Variants in NOL8 observed in about 807,000 individuals in gnomAD.
The protein encoded by NOL8 is nucleolar protein Nop132.
Under a neutral mutation model 116.1 loss-of-function variants are expected in NOL8, and 93 were observed. That is an observed-to-expected ratio of 0.80 (90% CI 0.68 to 0.95). The LOEUF is 0.95. NOL8 is among the 40% of genes least tolerant of loss of function. NOL8 has a pLI of 0.00. For missense variants in NOL8, 1,291 were observed against 1,382.8 expected, an observed-to-expected ratio of 0.93 and a Z score of 1.05; for synonymous variants, 419 against 469.0, an observed-to-expected ratio of 0.89 and a Z score of 1.38.
chr9:92,322,151 CAG>C lies in NOL8; in HGVS notation c.203-407_203-406del, dbSNP rs1839980316. 2.0e-5 allele frequency among the ~76,000 whole-genome samples: 3 copies of C among 152,264 alleles called. No individual in the cohort carries two copies. In the South Asian group the frequency reaches 6.2e-4, roughly 32 times the overall value. ...AAAACAATCATCTTTTCAGGTGAAT[CAG>C]AGGACACTCTGGAATCCTACAGCAC... On this transcript the variant is annotated intron_variant, in intron 3 of 16. Transcript: ENST00000442668.
chr9:92,313,991 ACTTGGCAAGG>A (rs966730216), intron 7 of NOL8, among the ~76,000 whole-genome samples: 1 of 152,254 alleles, frequency 6.6e-6, no homozygotes, highest in Non-Finnish European at 1.5e-5. Flanking sequence ...TCTTGGCAAG[ACTTGGCAAGG>A]TATAAATCAC....
In NOL8 at chr9:92,301,819, T is replaced by C. The variant is rs1377499551; in HGVS notation, c.2907A>G (p.Lys969=). ...RKRDDKPKES[K]AKRKKKREEA... Reference sequence around the variant, plus strand: ...CCTCCCTTTTCTTTTTTCGTTTTGCTTTACTGAAATGACATATGTAGACAT... The same window carrying C: ...CCTCCCTTTTCTTTTTTCGTTTTGCCTTACTGAAATGACATATGTAGACAT... Residue 969 remains lysine (K), a synonymous_variant, in exon 13 of 17, where the codon AAA becomes AAG. Coordinates refer to ENST00000442668, the MANE Select transcript of NOL8 (RefSeq NM_017948.6). The C allele has an allele frequency of 5.7e-6, 9 of 1,580,134 alleles. No homozygotes were observed. The highest frequency in any genetic ancestry group is 7.7e-6 in the Non-Finnish European group (9 of 1,162,312).
At chr9:92,307,982 A>G (rs931622824) in intron 10 of NOL8, among the ~76,000 whole-genome samples, 9 of 152,222 alleles carry the variant, frequency 5.9e-5, no homozygotes, top group African/African-American at 1.9e-4. Context: ...AAAAACATCA[A>G]TTTAAATTTT....
chr9:92,310,715 C>A (rs1172930041), intron 8 of NOL8, 40 bp from the exon 9 acceptor site: 1 of 1,570,216 alleles, frequency 6.4e-7, no homozygotes, highest in Non-Finnish European at 8.6e-7. Context: ...CAGAGGCAAA[C>A]AAGCAGTATT....
Position 92,314,352 on chromosome 9 carries a change from T to C in NOL8, c.2273A>G (p.Asn758Ser), listed in dbSNP as rs1403535383. 7 of 1,612,486 alleles carry C rather than the reference T, an allele frequency of 4.3e-6. No homozygotes were observed. Among genetic ancestry groups the C allele is most frequent in the Non-Finnish European group, 5.1e-6 (6 of 1,178,742 alleles). The stretch of plus-strand genomic sequence containing the variant: ...TTCCAAGGCTGCCAAACGCTTCTCA[T>C]TGTCTTCAGCATGCTTATCTTTAGC... ...VSAKDKHAED[N>S]EKRLAALEAR... Residue 758 changes from asparagine to serine, a missense_variant, in exon 7 of 17, where the codon AAT becomes AGT. Physicochemically the swap from Asn to Ser is conservative, Grantham distance 46. Transcript: ENST00000442668.
chr9:92,314,901 C>A lies in NOL8; in HGVS notation c.1724G>T (p.Gly575Val). 6.2e-7 allele frequency: 1 copy of A among 1,613,708 alleles called. No individual in the cohort carries two copies. ...NLKPKFQAFK[G>V]VGCLYEKESM... ...CTCCTTTTCATATAGACAGCCTACT[C>A]CCTTGAAAGCCTGAAATTTTGGCTT... The change falls in exon 7 of 17, where the codon GGA (glycine) becomes GTA (valine). Residue 575 changes from glycine to valine, a missense_variant. Gly to Val is a moderately radical substitution (Grantham distance 109). Transcript: ENST00000442668.
intron 8 of NOL8, 128 bp from the exon 9 acceptor site, chr9:92,310,803 A>AG (rs1838707420): frequency 1.0e-6 from 1 of 1,003,952 alleles, no homozygotes; most frequent in South Asian, 1.8e-5. Flanking sequence ...AGTAAATGGC[A>AG]GGTCAGGTGG....
chr9:92,299,751 C>CAAA, intron 14 of NOL8, 139 bp downstream of exon 14: 8 of 725,838 alleles, frequency 1.1e-5, no homozygotes, highest in African/African-American at 4.2e-5. Context: ...CACTCCGTCT[C>CAAA]AAAAAAAAAA....
chr9:92,310,968 A>G, intron 8 of NOL8, 178 bp downstream of exon 8: 1 of 597,160 alleles, frequency 1.7e-6, no homozygotes, highest in East Asian at 2.8e-5. Context: ...TGTTGTGGAG[A>G]ATATAGGTTC....
chr9:92,321,672 G>T lies in NOL8; in HGVS notation c.277C>A (p.His93Asn). The T allele has an allele frequency of 6.5e-7, 1 of 1,529,298 alleles. No homozygotes were observed. The highest frequency in any genetic ancestry group is 8.8e-7 in the Non-Finnish European group (1 of 1,139,266). The allele number at this position is 1,529,298 out of a possible 1,614,324, so 94.7% of individuals were successfully genotyped here. ...QIQLAKESFL[H>N]RLAQEREAAK... ...TCCATGTGGAGCAAAACTTACCTGT[G>T]CAGAAAGCTTTCTTTTGCTAGTTGA... Residue 93 changes from histidine to asparagine, a missense_variant, in exon 4 of 17, where the codon CAC (histidine) becomes AAC (asparagine). Transcript: ENST00000442668.
intron 16 of NOL8, 41 bp downstream of exon 16, chr9:92,298,216 A>G: frequency 7.0e-7 from 1 of 1,434,362 alleles, no homozygotes; most frequent in Non-Finnish European, 9.7e-7. Context: ...GATAGGTAAC[A>G]TGTCTATTTT....
chr9:92,322,895 G>A (rs912261025), intron 3 of NOL8: 16 of 152,658 alleles, frequency 1.0e-4, no homozygotes, highest in Admixed American at 3.3e-4. Flanking sequence ...CTTATTTTCC[G>A]TGTCTTTTTT....
intron 4 of NOL8, 113 bp from the exon 5 acceptor site, chr9:92,319,469 A>T: frequency 9.1e-7 from 1 of 1,103,014 alleles, no homozygotes; most frequent in Non-Finnish European, 1.2e-6. Flanking sequence ...GTAGTATTAA[A>T]AACCAAAATA....
At chr9:92,312,827 C>CAAAAAA (rs35089570) in intron 7 of NOL8, among the ~76,000 whole-genome samples, 74 of 55,312 alleles carry the variant, frequency 1.3e-3, no homozygotes, top group East Asian at 3.6e-3. Flanking sequence ...AACTCCATCT[C>CAAAAAA]AAAAAAAAAA....
At chr9:92,298,403 T>C in intron 15 of NOL8, 67 bp from the exon 16 acceptor site, 1 of 997,122 alleles carries the variant, frequency 1.0e-6, no homozygotes, top group Non-Finnish European at 1.5e-6. Context: ...ATTCTAAGTG[T>C]TGGCATTATC....
chr9:92,305,594 C>G (rs1838165258), intron 12 of NOL8, among the ~76,000 whole-genome samples, 159 bp downstream of exon 12: 1 of 152,128 alleles, frequency 6.6e-6, no homozygotes. Flanking sequence ...TCCACCACAT[C>G]AATAATTCCT....
At position 92,314,841 on chromosome 9, in the gene NOL8, G is replaced by C. The variant is rs749947843; in HGVS notation, c.1784C>G (p.Ser595Cys). 2 of 1,613,126 alleles carry C rather than the reference G, an allele frequency of 1.2e-6. No individual in the cohort carries two copies. Among genetic ancestry groups the C allele is most frequent in the African/African-American group, 1.3e-5 (1 of 74,912 alleles). ...MKKSLKDSVA[S>C]NNKDQNSMKH... is the part of the protein sequence containing the mutation. Reference sequence around the variant, plus strand: ...CATGGAATTCTGATCTTTATTGTTAGAGGCAACACTGTCTTTCAAGGATTT... The same window carrying C: ...CATGGAATTCTGATCTTTATTGTTACAGGCAACACTGTCTTTCAAGGATTT... Residue 595 changes from serine to cysteine, a missense_variant, in exon 7 of 17, where the codon TCT becomes TGT. Physicochemically the swap from Ser to Cys is moderately radical, Grantham distance 112. Transcript: ENST00000442668.
At chr9:92,300,928 ATTACCTGC>A in intron 13 of NOL8, 4 of 923,806 alleles carry the variant, frequency 4.3e-6, no homozygotes, top group Non-Finnish European at 5.2e-6. Flanking sequence ...CTGTATAGGT[ATTACCTGC>A]TTTTACAGTG....
Position 92,298,272 on chromosome 9 carries a change from T to C in NOL8, c.3438A>G (p.Thr1146=). 6.2e-7 allele frequency: 1 copy of C among 1,607,908 alleles called. No homozygotes were observed. The highest frequency in any genetic ancestry group is 8.5e-7 in the Non-Finnish European group (1 of 1,176,974). Residue 1146 remains threonine, a synonymous_variant, in exon 16 of 17, where the codon ACA becomes ACG. Transcript: ENST00000442668. The part of the protein sequence containing the change: ...NMSRNSWEAR[T]TNLRMDCRKK... Reference sequence around the variant, plus strand: ...AATTACTCACCATACGCAGGTTGGTTGTTCTGGCCTCCCAAGAGTTCCTGC... The same window carrying C: ...AATTACTCACCATACGCAGGTTGGTCGTTCTGGCCTCCCAAGAGTTCCTGC...
Sources: gnomAD v4.1 joint callset for allele counts (sites outside exome capture counted in the v4.1 genomes callset) on GRCh38, gnomAD v4.1.1 for gene constraint, MANE v1.5 for transcripts, NCBI Gene and HGNC (gene_info 2026-07-23, HGNC 2026-07-21) for gene names.